USH1G: variants seen among roughly 807,000 people sequenced by gnomAD.
USH1G encodes pre-mRNA splicing regulator USH1G.
USH1G carries 27 observed loss-of-function variants against 31.9 expected under a neutral mutation model. That is an observed-to-expected ratio of 0.85 (90% CI 0.62 to 1.17). The LOEUF is 1.17. USH1G is among the 50% of genes most tolerant of loss of function. The pLI is 0.00. For synonymous variants in USH1G, 266 were observed against 283.2 expected, an observed-to-expected ratio of 0.94 and a Z score of 0.61; for missense variants, 674 against 638.9, an observed-to-expected ratio of 1.05 and a Z score of -0.59.
At position 74,920,441 on chromosome 17, in the gene USH1G, A is replaced by G. The variant is rs773610870; in HGVS notation, c.395T>C (p.Val132Ala). 9.3e-6 allele frequency: 15 copies of G among 1,613,598 alleles called. No individual in the cohort carries two copies. In the South Asian group the frequency reaches 1.6e-4, roughly 18 times the overall value. The change falls in exon 2 of 3, where the codon GTG becomes GCG. Residue 132 changes from valine (V) to alanine (A), a missense_variant. Transcript: ENST00000614341. This position sits in a 1 kb window ranked among gnomAD's most constrained non-coding sequence, Gnocchi z 5.2. ...AKQSSLNPKL[V>A]GKLKDKAFRE... ...GAAGGCCTTGTCCTTCAGCTTACCC[A>G]CCAGCTTGGGGTTGAGGCTGCTCTG...
Position 74,923,247 on chromosome 17 carries a change from A to C in USH1G, c.-174T>G, listed in dbSNP as rs1380484250. ...GCGGAGCGCCAGAGCCGCGACTACC[A>C]AGACATCTGAAACGCTCACCCGGGG... On this transcript the variant is annotated 5_prime_UTR_variant, in exon 1 of 3. Coordinates refer to ENST00000614341, the MANE Select transcript of USH1G (RefSeq NM_173477.5). This position sits in a 1 kb window ranked among gnomAD's most constrained non-coding sequence, Gnocchi z 5.3. The C allele has an allele frequency of 6.2e-6, 1 of 160,036 alleles. No individual in the cohort carries two copies. Among genetic ancestry groups the C allele is most frequent in the African/African-American group, 2.7e-5 (1 of 37,474 alleles). The allele number at this position is 160,036 out of a possible 1,614,324, so 9.9% of individuals were successfully genotyped here. A position where few individuals can be genotyped will look rare whatever the true frequency, so the allele number is the denominator to read the frequency against.
In USH1G at chr17:74,916,164, G is replaced by A. The variant is rs967699460; in HGVS notation, c.*1909C>T. On this transcript the variant is annotated 3_prime_UTR_variant, in exon 3 of 3. Coordinates refer to ENST00000614341, the MANE Select transcript of USH1G (RefSeq NM_173477.5). ...TTCGGGGTACAGTGGTGGGAGCACA[G>A]AGCCTGCTCCACCCCAGCACCAGAA... 1 of 152,328 alleles carries A rather than the reference G, an allele frequency of 6.6e-6. No individual in the cohort carries two copies. Among genetic ancestry groups the A allele is most frequent in the African/African-American group, 2.4e-5 (1 of 41,434 alleles). 9.4% of individuals were successfully genotyped at this position (152,328 alleles called of 1,614,324 possible).
In USH1G at chr17:74,919,420, C is replaced by T. The variant is rs750965243; in HGVS notation, c.1382+34G>A. On this transcript the variant is annotated intron_variant, in intron 2 of 2. Transcript: ENST00000614341. The surrounding 1 kb of genome is among the most constrained non-coding windows in gnomAD (Gnocchi z 4.5). ...CTCCCCAGGGGCCTTCCAACTCCTG[C>T]TCCTCCATCCCCCCCGCCAGGCTGG... The T allele has an allele frequency of 1.9e-6, 3 of 1,580,100 alleles. No homozygotes were observed. The highest frequency in any genetic ancestry group is 2.6e-6 in the Non-Finnish European group (3 of 1,163,574).
In USH1G at chr17:74,920,860, C is replaced by T. The variant is rs554850194; in HGVS notation, c.165-189G>A. Reference sequence around the variant, plus strand: ...CCCAACAGGTGAGCCCAGGGGTGAGCCCAGGGGAAAATGGCCTCAGGCATG... The same window carrying T: ...CCCAACAGGTGAGCCCAGGGGTGAGTCCAGGGGAAAATGGCCTCAGGCATG... On this transcript the variant is annotated intron_variant, in intron 1 of 2. Coordinates refer to ENST00000614341, the MANE Select transcript of USH1G (RefSeq NM_173477.5). This position sits in a 1 kb window ranked among gnomAD's most constrained non-coding sequence, Gnocchi z 5.2. Among the ~76,000 whole-genome samples, 13 of 152,232 alleles carry T rather than the reference C, an allele frequency of 8.5e-5. No homozygotes were observed. The East Asian group carries it at 2.5e-3, about 29-fold the overall frequency.
chr17:74,923,105 C>A lies in USH1G; in HGVS notation c.-32G>T. The A allele has an allele frequency of 6.5e-7, 1 of 1,547,000 alleles. No homozygotes were observed. Among genetic ancestry groups the A allele is most frequent in the Non-Finnish European group, 8.8e-7 (1 of 1,142,348 alleles). On this transcript the variant is annotated 5_prime_UTR_variant, in exon 1 of 3. Coordinates refer to ENST00000614341, the MANE Select transcript of USH1G (RefSeq NM_173477.5). The surrounding 1 kb of genome is among the most constrained non-coding windows in gnomAD (Gnocchi z 5.3). Reference sequence around the variant, plus strand: ...CGAAGTGGACGGGGCGGGCGGGGGACACGGAGAAAGGCCCCCCGCAGGGGA... The same window carrying A: ...CGAAGTGGACGGGGCGGGCGGGGGAAACGGAGAAAGGCCCCCCGCAGGGGA...
In USH1G at chr17:74,921,213, G is replaced by C. The variant is rs932014466; in HGVS notation, c.165-542C>G. Among the ~76,000 whole-genome samples the C allele has an allele frequency of 6.6e-6, 1 of 152,046 alleles. No homozygotes were observed. The highest frequency in any genetic ancestry group is 1.5e-5 in the Non-Finnish European group (1 of 67,960). ...CAGCAGGCAGGGCCCTGTCTGCAGG[G>C]AGCAGGGCCAGCCCTGGCAAGCCCG... On this transcript the variant is annotated intron_variant, in intron 1 of 2. Coordinates refer to ENST00000614341, the MANE Select transcript of USH1G (RefSeq NM_173477.5). This position sits in a 1 kb window ranked among gnomAD's most constrained non-coding sequence, Gnocchi z 4.6.
Position 74,919,951 on chromosome 17 carries a change from C to T in USH1G, c.885G>A (p.Ser295=). The T allele has an allele frequency of 6.2e-7, 1 of 1,611,912 alleles. No individual in the cohort carries two copies. The highest frequency in any genetic ancestry group is 1.1e-5 in the South Asian group (1 of 91,042). ...RATLAAEPAH[S]EVSTDSGHDS... ...CGTGGCCTGAGTCGGTGCTGACCTCCGAGTGGGCAGGCTCGGCCGCCAGCG... is the reference window on the plus strand; with the variant it reads ...CGTGGCCTGAGTCGGTGCTGACCTCTGAGTGGGCAGGCTCGGCCGCCAGCG... Residue 295 remains serine (S), a synonymous_variant, in exon 2 of 3, where the codon TCG becomes TCA. Transcript: ENST00000614341. This position sits in a 1 kb window ranked among gnomAD's most constrained non-coding sequence, Gnocchi z 4.5.
Position 74,917,786 on chromosome 17 carries a change from C to A in USH1G, c.*287G>T. The A allele has an allele frequency of 2.0e-6, 1 of 501,976 alleles. No homozygotes were observed. The highest frequency in any genetic ancestry group is 1.9e-5 in the African/African-American group (1 of 51,886). The allele number at this position is 501,976 out of a possible 1,614,324, so 31.1% of individuals were successfully genotyped here. ...CGATGCCCCTGCCCTCCCTCTGGGG[C>A]AGGCCTCCCCCAAGTCTACATGTCC... On this transcript the variant is annotated 3_prime_UTR_variant, in exon 3 of 3. Coordinates refer to ENST00000614341, the MANE Select transcript of USH1G (RefSeq NM_173477.5).
rs1290518579 is a variant in USH1G, at chr17:74,918,492, C to A, written c.1383-416G>T. ...CTCTTGGGAGCATTTGCCCACGTTCCTGATTGCAAAGTTCAGGAACAGTAG... is the reference window on the plus strand; with the variant it reads ...CTCTTGGGAGCATTTGCCCACGTTCATGATTGCAAAGTTCAGGAACAGTAG... On this transcript the variant is annotated intron_variant, in intron 2 of 2. Transcript: ENST00000614341. This position sits in a 1 kb window ranked among gnomAD's most constrained non-coding sequence, Gnocchi z 4.1. Among the ~76,000 whole-genome samples, 2 of 152,160 alleles carry A rather than the reference C, an allele frequency of 1.3e-5. No homozygotes were observed. Among genetic ancestry groups the A allele is most frequent in the Non-Finnish European group, 2.9e-5 (2 of 68,014 alleles).
In USH1G at chr17:74,916,911, GCA is replaced by G. The variant is rs368387485; in HGVS notation, c.*1160_*1161del. ...CACATGCACACACACACACATGCAT[GCA>G]CACACACACATGCACACACATGCAT... On this transcript the variant is annotated 3_prime_UTR_variant, in exon 3 of 3. Transcript: ENST00000614341. The G allele has an allele frequency of 9.1e-4, 138 of 152,362 alleles. No individual in the cohort carries two copies. Among genetic ancestry groups the G allele is most frequent in the African/African-American group, 2.1e-3 (85 of 41,258 alleles). The allele number at this position is 152,362 out of a possible 1,614,324, so 9.4% of individuals were successfully genotyped here.
rs201866631 is a variant in USH1G at position 74,920,325 on chromosome 17, C to A, written c.511G>T (p.Glu171Ter). The A allele has an allele frequency of 3.7e-6, 6 of 1,608,888 alleles. No homozygotes were observed. Among genetic ancestry groups the A allele is most frequent in the East Asian group, 2.2e-5 (1 of 44,816 alleles). Residue 171 changes from glutamate (E) to a stop codon, truncating the protein, a stop_gained, in exon 2 of 3, where the codon GAG (glutamate) becomes TAG (stop). Transcript: ENST00000614341. LOFTEE classifies it high-confidence loss of function. The surrounding 1 kb of genome is among the most constrained non-coding windows in gnomAD (Gnocchi z 5.2). The stretch of plus-strand genomic sequence containing the variant: ...GAGAAGCTGAGGGTGTCGGAACGCT[C>A]GGCCAGCTCGCGCCGGTATCGCCGC... ...MERRYRRELA[E>*]RSDTLSFSSL...
At position 74,916,607 on chromosome 17, in the gene USH1G, G is replaced by A. The variant is rs1567937522; in HGVS notation, c.*1466C>T. The A allele has an allele frequency of 6.6e-6, 1 of 152,220 alleles. No homozygotes were observed. The highest frequency in any genetic ancestry group is 2.4e-5 in the African/African-American group (1 of 41,434). 9.4% of individuals were successfully genotyped at this position (152,220 alleles called of 1,614,324 possible). On this transcript the variant is annotated 3_prime_UTR_variant, in exon 3 of 3. Transcript: ENST00000614341. ...AAAGGAGGAGAGCACCTCTGCATGG[G>A]GTGCAAAGGGGCGCACACGTGTCAG...
In USH1G at chr17:74,921,068, C is replaced by G. The variant is rs2038936934; in HGVS notation, c.165-397G>C. ...CCAGGGCCGCGTCTGGGTCTCTAGG[C>G]AGGCGTGGTGGTGAGTGTGGCTGCG... On this transcript the variant is annotated intron_variant, in intron 1 of 2. Transcript: ENST00000614341. This position sits in a 1 kb window ranked among gnomAD's most constrained non-coding sequence, Gnocchi z 4.6. Among the ~76,000 whole-genome samples, 1 of 152,072 alleles carries G rather than the reference C, an allele frequency of 6.6e-6. No homozygotes were observed. The highest frequency in any genetic ancestry group is 2.1e-4 in the South Asian group (1 of 4,826).
At position 74,919,361 on chromosome 17, in the gene USH1G, AC is replaced by A. The variant is rs1207507539; in HGVS notation, c.1382+92del. On this transcript the variant is annotated intron_variant, in intron 2 of 2. Coordinates refer to ENST00000614341, the MANE Select transcript of USH1G (RefSeq NM_173477.5). The surrounding 1 kb of genome is among the most constrained non-coding windows in gnomAD (Gnocchi z 4.5). ...GATTTTATGAAATACAGTATCCCCCACCCCCTACTCCTGAATAGGCAGATCT... is the reference window on the plus strand; with the variant it reads ...GATTTTATGAAATACAGTATCCCCCACCCCTACTCCTGAATAGGCAGATCT... 3 of 561,780 alleles carry A rather than the reference AC, an allele frequency of 5.3e-6. No individual in the cohort carries two copies. The highest frequency in any genetic ancestry group is 5.7e-5 in the African/African-American group (2 of 34,966). 34.8% of individuals were successfully genotyped at this position (561,780 alleles called of 1,614,324 possible).
chr17:74,921,496 C>A lies in USH1G; in HGVS notation c.165-825G>T, dbSNP rs1384310479. On this transcript the variant is annotated intron_variant, in intron 1 of 2. Coordinates refer to ENST00000614341, the MANE Select transcript of USH1G (RefSeq NM_173477.5). This position sits in a 1 kb window ranked among gnomAD's most constrained non-coding sequence, Gnocchi z 4.6. The stretch of plus-strand genomic sequence containing the variant: ...TCCCAAGACTCCTCCGGAGCTCTCC[C>A]TCCCTTGGGGGCCCAGCACAGCACC... 6.6e-6 allele frequency among the ~76,000 whole-genome samples: 1 copy of A among 151,588 alleles called. No homozygotes were observed. Among genetic ancestry groups the A allele is most frequent in the Non-Finnish European group, 1.5e-5 (1 of 67,810 alleles).
chr17:74,917,998 T>G lies in USH1G; in HGVS notation c.*75A>C, dbSNP rs569986070. 1 of 1,602,096 alleles carries G rather than the reference T, an allele frequency of 6.2e-7. No homozygotes were observed. On this transcript the variant is annotated 3_prime_UTR_variant, in exon 3 of 3. Coordinates refer to ENST00000614341, the MANE Select transcript of USH1G (RefSeq NM_173477.5). ...GGAAGGGGGCTGCAGGGCTGGCAAC[T>G]GTGAGGACCTCGAGACCCCACCATA... is the stretch of plus-strand genomic sequence containing the variant.
At position 74,921,142 on chromosome 17, in the gene USH1G, G is replaced by A. The variant is rs1313848010; in HGVS notation, c.165-471C>T. 3.9e-5 allele frequency among the ~76,000 whole-genome samples: 6 copies of A among 152,256 alleles called. No homozygotes were observed. The South Asian group carries it at 6.2e-4, about 16-fold the overall frequency. ...AACAGACCAGTGGGTGGTGTGTGCC[G>A]GGCCCCAGCCCCGGGTGAGCGTGTG... On this transcript the variant is annotated intron_variant, in intron 1 of 2. Transcript: ENST00000614341. The surrounding 1 kb of genome is among the most constrained non-coding windows in gnomAD (Gnocchi z 4.6).
rs976969968 is a variant in USH1G at position 74,917,442 on chromosome 17, C to T, written c.*631G>A. ...TGAGCTGGGAAGGGCGTCAGTACCC[C>T]CACCCCACCCCAACCCGGCTTTCCA... On this transcript the variant is annotated 3_prime_UTR_variant, in exon 3 of 3. Transcript: ENST00000614341. 1 of 155,002 alleles carries T rather than the reference C, an allele frequency of 6.5e-6. No homozygotes were observed. Among genetic ancestry groups the T allele is most frequent in the Non-Finnish European group, 1.4e-5 (1 of 69,658 alleles). The allele number at this position is 155,002 out of a possible 1,614,324, so 9.6% of individuals were successfully genotyped here.
In USH1G at chr17:74,920,729, G is replaced by C; in HGVS notation, c.165-58C>G. 6.2e-7 allele frequency: 1 copy of C among 1,603,102 alleles called. No homozygotes were observed. The highest frequency in any genetic ancestry group is 1.1e-5 in the South Asian group (1 of 90,254). ...CGAGTCCTGGCTGGGGATGGAGGTG[G>C]AGGGAGTGGAGGGGGGAGGGGAGCT... On this transcript the variant is annotated intron_variant, in intron 1 of 2. Transcript: ENST00000614341. The surrounding 1 kb of genome is among the most constrained non-coding windows in gnomAD (Gnocchi z 5.2).
Sources: allele counts gnomAD v4.1 joint callset (sites outside exome capture counted in the v4.1 genomes callset), GRCh38; gene constraint gnomAD v4.1.1; non-coding constraint Gnocchi (gnomAD v3.1); transcripts MANE v1.5; gene names NCBI Gene and HGNC (gene_info 2026-07-23, HGNC 2026-07-21).